The following SLC15A1 variants were observed in gnomAD, a reference collection of about 807,000 sequenced individuals.
SLC15A1 encodes Caco-2 oligopeptide transporter.
A neutral mutation model predicts 92.9 loss-of-function variants in SLC15A1; 83 were observed. The observed-to-expected ratio is 0.89, with a 90% confidence interval of 0.75 to 1.07. SLC15A1 has a LOEUF of 1.07. Among genes scored for constraint, SLC15A1 ranks in the 50% least tolerant of loss-of-function variants. SLC15A1 has a pLI of 0.00. For missense variants in SLC15A1, 857 were observed against 880.1 expected (o/e 0.97, Z 0.33); for synonymous variants, 322 against 318.2 (o/e 1.01, Z -0.13).
intron 1 of SLC15A1, among the ~76,000 whole-genome samples, chr13:98,748,020 C>A (rs2088508897): frequency 6.6e-6 from 1 of 152,174 alleles, no homozygotes; most frequent in African/African-American, 2.4e-5. Context: ...GTAGGCAAAC[C>A]CTCCTGCTCA....
chr13:98,746,629 G>A (rs3825428), intron 1 of SLC15A1, among the ~76,000 whole-genome samples: 88,423 of 152,134 alleles, frequency 0.58, 26,541 homozygotes, highest in Non-Finnish European at 0.67. Context: ...GGGGCAGATT[G>A]TAGAAGTTCT....
intron 18 of SLC15A1, among the ~76,000 whole-genome samples, chr13:98,701,101 A>G (rs563858343): frequency 5.3e-5 from 8 of 152,204 alleles, no homozygotes; most frequent in Non-Finnish European, 1.0e-4. Context: ...GAATGGCAAT[A>G]AACCTACAGG....
Position 98,688,564 on chromosome 13 carries a change from A to T in SLC15A1, c.1480T>A (p.Phe494Ile). ...GENGIRFVNT[F>I]NELITITMSG... ...ATTGTGATGGTGATGAGCTCGTTAA[A>T]AGTATTTACAAATCTGAAACAGAAA... is the stretch of plus-strand genomic sequence containing the variant. The change falls in exon 19 of 23, where the codon TTT (phenylalanine) becomes ATT (isoleucine). Residue 494 changes from phenylalanine (F) to isoleucine (I), a missense_variant. Transcript: ENST00000376503. 6.2e-7 allele frequency: 1 copy of T among 1,613,142 alleles called. No homozygotes were observed. The highest frequency in any genetic ancestry group is 8.5e-7 in the Non-Finnish European group (1 of 1,179,172).
intron 17 of SLC15A1, among the ~76,000 whole-genome samples, chr13:98,702,895 G>A (rs1271266725): frequency 2.7e-5 from 4 of 149,710 alleles, no homozygotes; most frequent in African/African-American, 7.4e-5. Flanking sequence ...TTGGGTCTGG[G>A]AGGTCGAGGC....
chr13:98,730,229 GGGGAA>G (rs1566456132), intron 1 of SLC15A1, among the ~76,000 whole-genome samples: 1 of 79,414 alleles, frequency 1.3e-5, no homozygotes, highest in African/African-American at 5.7e-5. Flanking sequence ...GGGAAGGGAA[GGGGAA>G]GGGAAGGGGA....
At chr13:98,685,574 G>A (rs957094845) in intron 22 of SLC15A1, among the ~76,000 whole-genome samples, 1 of 152,206 alleles carries the variant, frequency 6.6e-6, no homozygotes, top group Non-Finnish European at 1.5e-5. Flanking sequence ...CTGCTAAGCT[G>A]CATTCACTGA....
intron 1 of SLC15A1, among the ~76,000 whole-genome samples, chr13:98,740,851 G>T (rs2088438130): frequency 6.6e-6 from 1 of 152,194 alleles, no homozygotes; most frequent in Non-Finnish European, 1.5e-5. Context: ...CAAAATGGAT[G>T]AACTTTGATC....
intron 14 of SLC15A1, among the ~76,000 whole-genome samples, 200 bp from the exon 15 acceptor site, chr13:98,708,967 CTTT>C (rs61087152): frequency 1.1e-4 from 14 of 126,730 alleles, no homozygotes; most frequent in Non-Finnish European, 1.0e-4. Context: ...TGCATATTTA[CTTT>C]TTTTTTTTTT....
chr13:98,704,130 T>C (rs1160661447), intron 17 of SLC15A1, among the ~76,000 whole-genome samples, 159 bp downstream of exon 17: 2 of 152,226 alleles, frequency 1.3e-5, no homozygotes, highest in Non-Finnish European at 2.9e-5. Context: ...ATTGGAAGTC[T>C]GACAGGTGTT....
intron 18 of SLC15A1, among the ~76,000 whole-genome samples, 198 bp downstream of exon 18, chr13:98,702,282 G>A (rs867184156): frequency 1.8e-4 from 27 of 152,104 alleles, no homozygotes; most frequent in African/African-American, 5.6e-4. Flanking sequence ...ATAAGATGAC[G>A]TACAATTTCC....
At chr13:98,708,843 C>T (rs1324497952) in intron 14 of SLC15A1, 76 bp from the exon 15 acceptor site, 2 of 1,036,148 alleles carry the variant, frequency 1.9e-6, no homozygotes, top group East Asian at 3.1e-5. Flanking sequence ...CCCCCACCAT[C>T]CCCCCAACAA....
At chr13:98,712,639 G>C in intron 9 of SLC15A1, 55 bp from the exon 10 acceptor site, 3 of 1,316,904 alleles carry the variant, frequency 2.3e-6, no homozygotes, top group Non-Finnish European at 2.2e-6. Flanking sequence ...CTTTGTCAGG[G>C]AAGCACATTT....
chr13:98,712,044 G>T, intron 10 of SLC15A1, 101 bp from the exon 11 acceptor site: 2 of 799,602 alleles, frequency 2.5e-6, no homozygotes, highest in Non-Finnish European at 4.3e-6. Flanking sequence ...ACAGATATTT[G>T]CATCTAGAGG....
chr13:98,709,066 C>T (rs2139579717), intron 14 of SLC15A1, among the ~76,000 whole-genome samples: 1 of 150,486 alleles, frequency 6.6e-6, no homozygotes, highest in East Asian at 2.0e-4. Flanking sequence ...CTCCTAGCTT[C>T]AAGCAATTCT....
At chr13:98,729,563 C>T (rs570129470) in intron 1 of SLC15A1, among the ~76,000 whole-genome samples, 1 of 152,336 alleles carries the variant, frequency 6.6e-6, no homozygotes, top group South Asian at 2.1e-4. Context: ...GCCAGAAAGA[C>T]CACGCCAGCT....
chr13:98,684,521 G>A lies in SLC15A1; in HGVS notation c.*203C>T. The A allele has an allele frequency of 2.6e-6, 1 of 379,280 alleles. No homozygotes were observed. Among genetic ancestry groups the A allele is most frequent in the Non-Finnish European group, 4.4e-6 (1 of 225,432 alleles). The allele number at this position is 379,280 out of a possible 1,614,324, so 23.5% of individuals were successfully genotyped here. On this transcript the variant is annotated 3_prime_UTR_variant, in exon 23 of 23. Coordinates refer to ENST00000376503, the MANE Select transcript of SLC15A1 (RefSeq NM_005073.4). ...GATCGTGCCATTGCACTCCAGCCTG[G>A]ACAACAAGAGCAAAACTCTGTCTCA...
In SLC15A1 at chr13:98,687,595, A is replaced by T. The variant is rs764880757; in HGVS notation, c.1813T>A (p.Phe605Ile). The T allele has an allele frequency of 4.5e-5, 73 of 1,613,940 alleles. No homozygotes were observed. In the Admixed American group the frequency reaches 1.2e-3, roughly 27 times the overall value. The change falls in exon 21 of 23, where the codon TTC (phenylalanine) becomes ATC (isoleucine). Residue 605 changes from phenylalanine (F) to isoleucine (I), a missense_variant. Coordinates refer to ENST00000376503, the MANE Select transcript of SLC15A1 (RefSeq NM_005073.4). The part of the protein sequence containing the change: ...EVVFSVTGLE[F>I]SYSQAPSNMK... ...AAACAAGAAACCTGAGAATATGAGA[A>T]TTCCAATCCCGTGACAGAGAAGACC...
At chr13:98,685,597 T>C (rs2087922836) in intron 22 of SLC15A1, among the ~76,000 whole-genome samples, 1 of 152,252 alleles carries the variant, frequency 6.6e-6, no homozygotes, top group Non-Finnish European at 1.5e-5. Context: ...CTAGGAGAGA[T>C]GTTTCCCTTG....
In SLC15A1 at chr13:98,729,818, AG is replaced by A. The variant is rs1363283471; in HGVS notation, c.5-2960del. On this transcript the variant is annotated intron_variant, in intron 1 of 22. Transcript: ENST00000376503. The stretch of plus-strand genomic sequence containing the variant: ...CAGGCTTCACCACCTCTTCCTGGGC[AG>A]GCGCCTTCCCTCCTGATCTGTCAGC... Among the ~76,000 whole-genome samples the A allele has an allele frequency of 1.6e-4, 25 of 152,188 alleles. 1 individual carries two copies. Among genetic ancestry groups the A allele is most frequent in the Admixed American group, 1.6e-3 (25 of 15,286 alleles).
Sources: allele counts gnomAD v4.1 joint callset (sites outside exome capture counted in the v4.1 genomes callset), GRCh38; gene constraint gnomAD v4.1.1; transcripts MANE v1.5; gene names NCBI Gene and HGNC (gene_info 2026-07-23, HGNC 2026-07-21).